CLPSL1: variants seen among roughly 807,000 people sequenced by gnomAD.
CLPSL1 encodes the protein colipase-like protein 1.
Under a neutral mutation model 9.3 loss-of-function variants are expected in CLPSL1, and 13 were observed. The observed-to-expected ratio is 1.40, with a 90% CI of 0.91 to 2.22. The LOEUF (loss-of-function observed/expected upper bound fraction) is 2.22, where lower values mean the gene tolerates loss of function less well. Among genes scored for constraint, CLPSL1 ranks in the 30% most tolerant of loss-of-function variants. The probability of loss-of-function intolerance (pLI) is 0.00; values close to 1 mark genes in which losing one functional copy is unlikely to be tolerated. For synonymous variants in CLPSL1, 58 were observed against 56.9 expected (o/e 1.02, Z -0.08); for missense variants, 164 against 146.6 (o/e 1.12, Z -0.61).
intron 1 of CLPSL1, 144 bp from the exon 2 acceptor site, chr6:35,786,854 A>G (rs1235087938): frequency 3.8e-5 from 41 of 1,078,668 alleles, no homozygotes; most frequent in African/African-American, 3.1e-5. Context: ...GCCCCCACGT[A>G]GAGACCACCC....
Position 35,788,018 on chromosome 6 carries a change from TC to T in CLPSL1, c.*10del. ...AAGAAAATGTTCTTCTAGTGCTCCC[TC>T]CTTCTTGCTGCCTCCTCCTCCTCCA... is the stretch of plus-strand genomic sequence containing the variant. On this transcript the variant is annotated 3_prime_UTR_variant, in exon 3 of 3. Coordinates refer to ENST00000373861, the MANE Select transcript of CLPSL1 (RefSeq NM_001010886.5). 1 of 1,604,876 alleles carries T rather than the reference TC, an allele frequency of 6.2e-7. No homozygotes were observed. Among genetic ancestry groups the T allele is most frequent in the South Asian group, 1.1e-5 (1 of 90,784 alleles).
chr6:35,781,815 G>A (rs1176390519), intron 1 of CLPSL1, among the ~76,000 whole-genome samples: 1 of 150,098 alleles, frequency 6.7e-6, no homozygotes, highest in Non-Finnish European at 1.5e-5. Flanking sequence ...GGGCAATCTC[G>A]GCTCACTGCA....
Position 35,781,193 on chromosome 6 carries a change from C to A in CLPSL1, c.83C>A (p.Thr28Lys). The A allele has an allele frequency of 1.2e-6, 2 of 1,613,906 alleles. No individual in the cohort carries two copies. Among genetic ancestry groups the A allele is most frequent in the African/African-American group, 2.7e-5 (2 of 75,054 alleles). The change falls in exon 1 of 3, where the codon ACA becomes AAA. Residue 28 changes from threonine (T) to lysine (K), a missense_variant. By Grantham distance (78) the Thr-to-Lys change is moderately conservative. Transcript: ENST00000373861. ...FLLTRGSLSP[T>K]KYNLLELKES... Reference sequence around the variant, plus strand: ...CTCACCAGGGGCTCACTTTCTCCAACAAAATACAACCTTTTGGTAAGAAAG... The same window carrying A: ...CTCACCAGGGGCTCACTTTCTCCAAAAAAATACAACCTTTTGGTAAGAAAG...
chr6:35,787,898 GC>G lies in CLPSL1; in HGVS notation c.256del (p.Leu86CysfsTer4). ...TTTGGCCAATATAGAGCGTGTCCCT[GC>G]CTGCGGAACCTGACTTGTATATATT... ...VFFGQYRACP[C>X]LRNLTCIYSK... is the part of the protein sequence containing the mutation. On this transcript the variant is annotated frameshift_variant, in exon 3 of 3. Transcript: ENST00000373861. LOFTEE classifies it low-confidence loss of function (END_TRUNC). 6.2e-7 allele frequency: 1 copy of G among 1,608,180 alleles called. No homozygotes were observed. Among genetic ancestry groups the G allele is most frequent in the Non-Finnish European group, 8.5e-7 (1 of 1,174,706 alleles).
chr6:35,789,110 G>C (rs1189458036), downstream of CLPSL1, among the ~76,000 whole-genome samples: 1 of 152,240 alleles, frequency 6.6e-6, no homozygotes. Context: ...CAGATAACCA[G>C]ACTTCCATTG....
intron 1 of CLPSL1, among the ~76,000 whole-genome samples, chr6:35,782,475 T>C (rs1485933816): frequency 2.0e-5 from 3 of 152,200 alleles, no homozygotes; most frequent in African/African-American, 7.2e-5. Context: ...TTTAAACATA[T>C]AAATAAGATG....
chr6:35,793,523 G>A (rs115873898), exon 2 of CLPSL1: 213 of 471,690 alleles, frequency 4.5e-4, no homozygotes, highest in African/African-American at 2.9e-3. Context: ...CTTCGAATAC[G>A]GTGAGAACGT....
At chr6:35,787,153 G>T (rs776562006) in intron 2 of CLPSL1, 33 bp downstream of exon 2, 2 of 1,607,330 alleles carry the variant, frequency 1.2e-6, no homozygotes, top group Admixed American at 1.7e-5. Context: ...AGCCAGAGGG[G>T]ATCCAGGGGA....
At chr6:35,786,843 G>A (rs1422981101) in intron 1 of CLPSL1, among the ~76,000 whole-genome samples, 155 bp from the exon 2 acceptor site, 2 of 152,270 alleles carry the variant, frequency 1.3e-5, no homozygotes, top group East Asian at 1.9e-4. Flanking sequence ...GACTTACCCC[G>A]GCCCCCACGT....
chr6:35,786,656 T>G (rs1006046023), intron 1 of CLPSL1, among the ~76,000 whole-genome samples: 1 of 151,278 alleles, frequency 6.6e-6, no homozygotes, highest in Non-Finnish European at 1.5e-5. Context: ...CAGGCACAGG[T>G]GAAAGGGTGA....
downstream of CLPSL1, among the ~76,000 whole-genome samples, chr6:35,792,026 C>T (rs1215986847): frequency 2.0e-5 from 3 of 151,586 alleles, no homozygotes; most frequent in African/African-American, 7.2e-5. Flanking sequence ...GCAGAGGCTG[C>T]AGTGAGCCGA....
At position 35,786,989 on chromosome 6, in the gene CLPSL1, T is replaced by A. The variant is rs1768088256; in HGVS notation, c.100-9T>A. 1.3e-6 allele frequency: 2 copies of A among 1,570,606 alleles called. No individual in the cohort carries two copies. Among genetic ancestry groups the A allele is most frequent in the Non-Finnish European group, 1.7e-6 (2 of 1,159,484 alleles). On this transcript the variant is annotated splice_polypyrimidine_tract_variant and intron_variant, in intron 1 of 2. Coordinates refer to ENST00000373861, the MANE Select transcript of CLPSL1 (RefSeq NM_001010886.5). ...GTGGAGCCTGGCGGTGCCGTGTCCCTCCCTGCAGGAGCTCAAGGAGTCTTG... is the reference window on the plus strand; with the variant it reads ...GTGGAGCCTGGCGGTGCCGTGTCCCACCCTGCAGGAGCTCAAGGAGTCTTG...
At chr6:35,790,530 G>A (rs1341704689), downstream of CLPSL1, among the ~76,000 whole-genome samples, 2 of 152,264 alleles carry the variant, frequency 1.3e-5, no homozygotes, top group African/African-American at 4.8e-5. Context: ...ATGGAAGAGT[G>A]TGACTCTAGA....
downstream of CLPSL1, among the ~76,000 whole-genome samples, chr6:35,789,165 C>G (rs1003007531): frequency 3.3e-5 from 5 of 152,218 alleles, no homozygotes; most frequent in Admixed American, 1.3e-4. Context: ...ATGAAATGAC[C>G]GTGGAAGGAG....
downstream of CLPSL1, among the ~76,000 whole-genome samples, chr6:35,790,743 T>C (rs1768170503): frequency 6.6e-6 from 1 of 152,266 alleles, no homozygotes; most frequent in Non-Finnish European, 1.5e-5. Flanking sequence ...TTTCCCTGGT[T>C]TTGAGAAACT....
chr6:35,783,883 A>T (rs1218026233), intron 1 of CLPSL1, among the ~76,000 whole-genome samples: 1 of 150,956 alleles, frequency 6.6e-6, no homozygotes, highest in African/African-American at 2.4e-5. Context: ...TCACTTATGT[A>T]TCTCTTCCCT....
Position 35,787,945 on chromosome 6 carries a change from A to G in CLPSL1, c.301A>G (p.Ser101Gly). Residue 101 changes from serine (S) to glycine (G), a missense_variant, in exon 3 of 3, where the codon AGC (serine) becomes GGC (glycine). Ser to Gly is a moderately conservative substitution (Grantham distance 56). Coordinates refer to ENST00000373861, the MANE Select transcript of CLPSL1 (RefSeq NM_001010886.5). Reference sequence around the variant, plus strand: ...ATATTCAAAGAATGAGAAATGGCTTAGCATCGCCTATGGCCGTTGTCAGAA... The same window carrying G: ...ATATTCAAAGAATGAGAAATGGCTTGGCATCGCCTATGGCCGTTGTCAGAA... ...CIYSKNEKWL[S>G]IAYGRCQKIG... 5 of 1,613,154 alleles carry G rather than the reference A, an allele frequency of 3.1e-6. No individual in the cohort carries two copies. The South Asian group carries it at 4.4e-5, about 14-fold the overall frequency.
chr6:35,782,713 T>G (rs1767988445), intron 1 of CLPSL1, among the ~76,000 whole-genome samples: 1 of 151,598 alleles, frequency 6.6e-6, no homozygotes, highest in African/African-American at 2.4e-5. Context: ...AATGGCATTG[T>G]GGGAATTATC....
At position 35,783,683 on chromosome 6, in the gene CLPSL1, C is replaced by T. The variant is rs554426766; in HGVS notation, c.99+2474C>T. On this transcript the variant is annotated intron_variant, in intron 1 of 2. Transcript: ENST00000373861. ...ATTAGCTGTGCGTGGTGGCGGGTGCCTGTAATCCCAGCTACTCAGGAGGCT... is the reference window on the plus strand; with the variant it reads ...ATTAGCTGTGCGTGGTGGCGGGTGCTTGTAATCCCAGCTACTCAGGAGGCT... Among the ~76,000 whole-genome samples the T allele has an allele frequency of 1.6e-4, 24 of 151,850 alleles. No individual in the cohort carries two copies. The East Asian group carries it at 4.6e-3, about 29-fold the overall frequency.
Sources: gnomAD v4.1 joint callset for allele counts (sites outside exome capture counted in the v4.1 genomes callset) on GRCh38, gnomAD v4.1.1 for gene constraint, MANE v1.5 for transcripts, NCBI Gene and HGNC (gene_info 2026-07-23, HGNC 2026-07-21) for gene names.